CAMK1D: variants seen among roughly 807,000 people sequenced by gnomAD.
CAMK1D encodes calcium/calmodulin-dependent protein kinase type 1D.
A neutral mutation model predicts 47.7 loss-of-function variants in CAMK1D; 9 were observed. That is an observed-to-expected ratio of 0.19 (90% confidence interval 0.11 to 0.33). The LOEUF is 0.33. CAMK1D is among the 10% of genes least tolerant of loss of function. The pLI is 1.00. For synonymous variants in CAMK1D, 184 were observed against 184.9 expected (o/e 0.99, Z 0.04); for missense variants, 291 against 488.7 (o/e 0.60, Z 3.81).
chr10:12,815,513 A>G (rs1832758257), intron 7 of CAMK1D, among the ~76,000 whole-genome samples: 1 of 152,150 alleles, frequency 6.6e-6, no homozygotes, highest in Non-Finnish European at 1.5e-5. Context: ...CATGGGAAGT[A>G]TTTTCCTTCT....
At chr10:12,730,023 G>A (rs1015570231) in intron 3 of CAMK1D, among the ~76,000 whole-genome samples, 5 of 152,154 alleles carry the variant, frequency 3.3e-5, no homozygotes, top group African/African-American at 9.7e-5. Context: ...GGACAGAGGC[G>A]AATTGTGATC....
At chr10:12,472,374 C>T (rs1833773035) in intron 1 of CAMK1D, among the ~76,000 whole-genome samples, 2 of 152,138 alleles carry the variant, frequency 1.3e-5, no homozygotes, top group Non-Finnish European at 2.9e-5. Flanking sequence ...TCCTGTGATT[C>T]AAAACCTTGC....
At chr10:12,738,204 C>T (rs1334427806) in intron 3 of CAMK1D, among the ~76,000 whole-genome samples, 1 of 152,062 alleles carries the variant, frequency 6.6e-6, no homozygotes, top group East Asian at 1.9e-4. Flanking sequence ...ATGATAGACC[C>T]CAGGATTAAT....
chr10:12,578,717 A>G (rs911018253), intron 2 of CAMK1D: 1 of 153,656 alleles, frequency 6.5e-6, no homozygotes, highest in African/African-American at 2.4e-5. Flanking sequence ...ACCGAGACCG[A>G]TGACCCACTT....
At chr10:12,477,387 C>T (rs2132089431) in intron 1 of CAMK1D, among the ~76,000 whole-genome samples, 1 of 152,290 alleles carries the variant, frequency 6.6e-6, no homozygotes, top group East Asian at 1.9e-4. Flanking sequence ...TGCACTCCAA[C>T]CTGGGTGACA....
In CAMK1D at chr10:12,516,121, G is replaced by GT. The variant is rs200637752; in HGVS notation, c.93-37098dup. 7.2e-3 allele frequency among the ~76,000 whole-genome samples: 1,099 copies of GT among 151,724 alleles called. 25 individuals are homozygous for GT. The highest frequency in any genetic ancestry group is 0.043 in the East Asian group (222 of 5,110). On this transcript the variant is annotated intron_variant, in intron 1 of 10. Coordinates refer to ENST00000619168, the MANE Select transcript of CAMK1D (RefSeq NM_153498.4). Reference sequence around the variant, plus strand: ...GAGGTTCTTTCCAGTTTGTTTGTTTGTTTTTTGAGACAGAATCTTGCTCTG... The same window carrying GT: ...GAGGTTCTTTCCAGTTTGTTTGTTTGTTTTTTTGAGACAGAATCTTGCTCTG...
intron 3 of CAMK1D, among the ~76,000 whole-genome samples, chr10:12,718,722 C>A (rs1406451304): frequency 2.6e-5 from 4 of 152,204 alleles, no homozygotes; most frequent in Admixed American, 1.3e-4. Flanking sequence ...TTACCACATG[C>A]ATCATGACTT....
At chr10:12,637,062 C>T (rs1839530184) in intron 2 of CAMK1D, among the ~76,000 whole-genome samples, 1 of 152,152 alleles carries the variant, frequency 6.6e-6, no homozygotes, top group African/African-American at 2.4e-5. Context: ...ACCTCCACCT[C>T]CCGGGCTCAA....
intron 2 of CAMK1D, among the ~76,000 whole-genome samples, chr10:12,642,904 G>GCCGGGCGCGGTGGCTCACGCCT (rs1839704776): frequency 6.6e-6 from 1 of 152,064 alleles, no homozygotes; most frequent in Non-Finnish European, 1.5e-5. Flanking sequence ...AGTAGTCCTG[G>GCCGGGCGCGGTGGCTCACGCCT]GAGGGTAAGT....
chr10:12,368,781 G>A (rs1042359912), intron 1 of CAMK1D, among the ~76,000 whole-genome samples: 1 of 151,434 alleles, frequency 6.6e-6, no homozygotes, highest in African/African-American at 2.4e-5. Flanking sequence ...CACATGCTGC[G>A]ATTACAGGTG....
intron 1 of CAMK1D, among the ~76,000 whole-genome samples, chr10:12,444,563 G>A (rs965190205): frequency 1.1e-4 from 16 of 152,140 alleles, no homozygotes; most frequent in Non-Finnish European, 2.2e-4. Flanking sequence ...GAAGTTAGAG[G>A]CAGACATCAG....
chr10:12,593,728 C>T (rs192985905), intron 2 of CAMK1D, among the ~76,000 whole-genome samples: 23 of 152,270 alleles, frequency 1.5e-4, no homozygotes, highest in Non-Finnish European at 2.4e-4. Context: ...TACCATCCCC[C>T]GTGGCCTGTG....
chr10:12,652,575 G>A (rs909724992), intron 2 of CAMK1D, among the ~76,000 whole-genome samples: 1 of 151,918 alleles, frequency 6.6e-6, no homozygotes, highest in Non-Finnish European at 1.5e-5. Context: ...GCGACAGAGC[G>A]AGACTCCATC....
intron 3 of CAMK1D, among the ~76,000 whole-genome samples, chr10:12,678,078 G>C (rs975014794): frequency 6.6e-6 from 1 of 151,790 alleles, no homozygotes; most frequent in African/African-American, 2.4e-5. Context: ...AGGTTCAACT[G>C]TATGAAGTTG....
chr10:12,380,177 T>C (rs1360058689), intron 1 of CAMK1D, among the ~76,000 whole-genome samples: 2 of 152,084 alleles, frequency 1.3e-5, no homozygotes, highest in Non-Finnish European at 2.9e-5. Flanking sequence ...ATGGCACCAC[T>C]GCACTCCAGC....
intron 1 of CAMK1D, among the ~76,000 whole-genome samples, chr10:12,415,231 T>C (rs72767699): frequency 0.21 from 25,565 of 119,288 alleles, 2,394 homozygotes; most frequent in Middle Eastern, 0.29. Flanking sequence ...ACTTAGGACA[T>C]CTGCTAGCCA....
At chr10:12,553,474 G>A in intron 2 of CAMK1D, 118 bp downstream of exon 2, 1 of 759,154 alleles carries the variant, frequency 1.3e-6, no homozygotes, top group Non-Finnish European at 2.2e-6. Context: ...GAGGACCCAG[G>A]CTGTGCAAAC....
chr10:12,827,323 T>TCTTTTTCTTTCTTA (rs1491582180), intron 10 of CAMK1D, among the ~76,000 whole-genome samples: 1 of 97,230 alleles, frequency 1.0e-5, no homozygotes, highest in African/African-American at 3.5e-5. Flanking sequence ...TTTCTTTCTT[T>TCTTTTTCTTTCTTA]CTCTCTCTTC....
intron 1 of CAMK1D, among the ~76,000 whole-genome samples, chr10:12,466,592 C>A (rs963002870): frequency 7.5e-6 from 1 of 132,490 alleles, no homozygotes. Flanking sequence ...CTCTGAATTT[C>A]TTTTTTTTTT....
Sources: gnomAD v4.1 joint callset for allele counts (sites outside exome capture counted in the v4.1 genomes callset) on GRCh38, gnomAD v4.1.1 for gene constraint, MANE v1.5 for transcripts, NCBI Gene and HGNC (gene_info 2026-07-23, HGNC 2026-07-21) for gene names.